The following USH2A variants were observed in gnomAD, a reference collection of about 807,000 sequenced individuals.
USH2A encodes usherin.
Under a neutral mutation model 538.9 loss-of-function variants are expected in USH2A, and 443 were observed. That is an observed-to-expected ratio of 0.82 (90% CI 0.76 to 0.89). USH2A has a LOEUF of 0.89. USH2A is among the 40% of genes least tolerant of loss of function. The pLI is 0.00. For missense variants in USH2A, 6,633 were observed against 6,324.8 expected (o/e 1.05, Z -1.65); for synonymous variants, 2,413 against 2,273.5 (o/e 1.06, Z -1.75).
chr1:215,674,892 C>T lies in USH2A; in HGVS notation c.13019G>A (p.Gly4340Glu), dbSNP rs1419157426. ...SYALQACTSG[G>E]CSTSKPTSIT... ...GCTGGTGGGTTTGCTGGTGGAGCAT[C>T]CTCCACTCGTGCAGGCTTGGAGTGC... The change falls in exon 63 of 72, where the codon GGA becomes GAA. Residue 4340 changes from glycine (G) to glutamate (E), a missense_variant. Transcript: ENST00000307340. 2 of 1,614,150 alleles carry T rather than the reference C, an allele frequency of 1.2e-6. No homozygotes were observed. Among genetic ancestry groups the T allele is most frequent in the African/African-American group, 1.3e-5 (1 of 75,044 alleles).
rs1324507140 is a variant in USH2A at position 215,623,277 on chromosome 1, A to C, written c.*2504T>G. On this transcript the variant is annotated 3_prime_UTR_variant, in exon 72 of 72. Coordinates refer to ENST00000307340, the MANE Select transcript of USH2A (RefSeq NM_206933.4). The stretch of plus-strand genomic sequence containing the variant: ...TGAGTCAGGAGATTTAAATTTAAAG[A>C]GGTTCATCAAGAACTGCTCATTGTT... 1 of 152,136 alleles carries C rather than the reference A, an allele frequency of 6.6e-6. No individual in the cohort carries two copies. Among genetic ancestry groups the C allele is most frequent in the Non-Finnish European group, 1.5e-5 (1 of 68,010 alleles). The allele number at this position is 152,136 out of a possible 1,614,324, so 9.4% of individuals were successfully genotyped here.
intron 4 of USH2A, among the ~76,000 whole-genome samples, chr1:216,355,330 AG>A: frequency 6.9e-6 from 1 of 145,214 alleles, no homozygotes; most frequent in Non-Finnish European, 1.5e-5. Flanking sequence ...AAAGAAAGAA[AG>A]AAAGAAAGAA....
chr1:216,174,182 A>G (rs2034327123), intron 21 of USH2A: 2 of 984,882 alleles, frequency 2.0e-6, no homozygotes, highest in African/African-American at 3.5e-5. Flanking sequence ...ACAAATTTTT[A>G]TAGCTCGAAT....
chr1:216,104,932 G>C (rs1011851948), intron 21 of USH2A, among the ~76,000 whole-genome samples: 1 of 152,018 alleles, frequency 6.6e-6, no homozygotes, highest in African/African-American at 2.4e-5. Context: ...TCTGACAAAG[G>C]GCTAATATCC....
chr1:215,998,016 C>A (rs1007276434), intron 34 of USH2A, among the ~76,000 whole-genome samples: 6 of 151,994 alleles, frequency 3.9e-5, no homozygotes, highest in African/African-American at 1.4e-4. Context: ...ATATTTAGAG[C>A]ATTCAAGAGC....
intron 34 of USH2A, among the ~76,000 whole-genome samples, 194 bp from the exon 35 acceptor site, chr1:215,993,361 C>A (rs1266183777): frequency 2.0e-5 from 3 of 152,120 alleles, no homozygotes; most frequent in Non-Finnish European, 4.4e-5. Flanking sequence ...AGATAGCCAT[C>A]CCCAATAGTT....
chr1:216,289,248 A>T (rs2036949356), intron 11 of USH2A, 32 bp downstream of exon 11: 2 of 1,613,518 alleles, frequency 1.2e-6, no homozygotes, highest in Middle Eastern at 3.3e-4. Flanking sequence ...AGACAGAGTA[A>T]TCCTTTACCT....
At chr1:216,031,299 T>G (rs1169266852) in intron 32 of USH2A, among the ~76,000 whole-genome samples, 1 of 152,128 alleles carries the variant, frequency 6.6e-6, no homozygotes, top group Non-Finnish European at 1.5e-5. Context: ...GGTTGTAGGC[T>G]TAGTATCTAC....
rs1043726820 is a variant in USH2A, at chr1:215,624,560, A to AT, written c.*1220dup. 1 of 152,176 alleles carries AT rather than the reference A, an allele frequency of 6.6e-6. No individual in the cohort carries two copies. The highest frequency in any genetic ancestry group is 1.5e-5 in the Non-Finnish European group (1 of 68,018). The allele number at this position is 152,176 out of a possible 1,614,324, so 9.4% of individuals were successfully genotyped here. ...TTACTCTGTTTTCCATGAAGAACAA[A>AT]TTTAAATATCTGATTTTATGTGGAT... On this transcript the variant is annotated 3_prime_UTR_variant, in exon 72 of 72. Transcript: ENST00000307340.
intron 38 of USH2A, among the ~76,000 whole-genome samples, chr1:215,908,223 C>T (rs190226793): frequency 5.9e-5 from 9 of 152,014 alleles, no homozygotes; most frequent in African/African-American, 2.2e-4. Context: ...TAGTTCATCT[C>T]CCAAAACCCC....
chr1:215,759,194 T>C (rs1418127147), intron 57 of USH2A, among the ~76,000 whole-genome samples: 1 of 152,202 alleles, frequency 6.6e-6, no homozygotes, highest in Admixed American at 6.5e-5. Flanking sequence ...GATATGTTTT[T>C]GTCTCTGCTG....
chr1:216,295,776 A>G (rs1327397324), intron 9 of USH2A, among the ~76,000 whole-genome samples: 1 of 152,048 alleles, frequency 6.6e-6, no homozygotes, highest in Non-Finnish European at 1.5e-5. Context: ...TTTATCCAAG[A>G]TAATGGTCCT....
chr1:215,810,302 T>A (rs1014394990), intron 49 of USH2A, among the ~76,000 whole-genome samples: 1 of 152,156 alleles, frequency 6.6e-6, no homozygotes, highest in African/African-American at 2.4e-5. Context: ...TGAGCTTCCA[T>A]GAGTTATTTC....
chr1:216,291,928 A>G (rs532339117), intron 10 of USH2A, among the ~76,000 whole-genome samples: 1 of 152,230 alleles, frequency 6.6e-6, no homozygotes, highest in African/African-American at 2.4e-5. Flanking sequence ...AAAACAAAAC[A>G]AAACAAAACA....
At chr1:215,913,900 G>A (rs576809218) in intron 38 of USH2A, among the ~76,000 whole-genome samples, 1 of 151,708 alleles carries the variant, frequency 6.6e-6, no homozygotes, top group African/African-American at 2.4e-5. Context: ...AAAGAGATGG[G>A]GAAAACTATA....
At chr1:215,856,603 G>A (rs749012579) in intron 44 of USH2A, among the ~76,000 whole-genome samples, 3 of 152,252 alleles carry the variant, frequency 2.0e-5, no homozygotes, top group Non-Finnish European at 2.9e-5. Context: ...TGGTGGGAAC[G>A]TAAACTAGTA....
At chr1:215,830,041 C>T (rs1215077803) in intron 47 of USH2A, among the ~76,000 whole-genome samples, 1 of 152,078 alleles carries the variant, frequency 6.6e-6, no homozygotes. Context: ...GAAAAGCTAA[C>T]AATAAGGCTG....
At chr1:216,179,719 A>C (rs764113844) in intron 20 of USH2A, among the ~76,000 whole-genome samples, 3 of 152,116 alleles carry the variant, frequency 2.0e-5, no homozygotes, top group Non-Finnish European at 2.9e-5. Flanking sequence ...AGAAAAATAG[A>C]TACTTCTGAA....
intron 15 of USH2A, among the ~76,000 whole-genome samples, chr1:216,210,533 C>A (rs981518948): frequency 9.2e-5 from 14 of 152,054 alleles, no homozygotes; most frequent in African/African-American, 2.7e-4. Context: ...AGCAGGGACC[C>A]CTCTTCTTCT....
Sources: gnomAD v4.1 joint callset for allele counts (sites outside exome capture counted in the v4.1 genomes callset) on GRCh38, gnomAD v4.1.1 for gene constraint, MANE v1.5 for transcripts, NCBI Gene and HGNC (gene_info 2026-07-23, HGNC 2026-07-21) for gene names.